TNKS: variants seen among roughly 807,000 people sequenced by gnomAD.
The protein encoded by TNKS is tankyrase.
A neutral mutation model predicts 135.8 loss-of-function variants in TNKS; 72 were observed. The ratio of observed to expected loss-of-function variants is 0.53; its 90% CI spans 0.44 to 0.64. The LOEUF is 0.64. Ranked by LOEUF, TNKS falls within the 30% of genes least tolerant of loss-of-function variation. The pLI, the probability that TNKS is intolerant of heterozygous loss-of-function variation, is 0.00. For missense variants in TNKS, 1,769 were observed against 1,674.0 expected, an observed-to-expected ratio of 1.06 and a Z score of -0.99; for synonymous variants, 849 against 649.3, an observed-to-expected ratio of 1.31 and a Z score of -4.68.
chr8:9,634,464 T>A (rs1292087562), intron 3 of TNKS, among the ~76,000 whole-genome samples: 1 of 152,164 alleles, frequency 6.6e-6, no homozygotes, highest in East Asian at 1.9e-4. Flanking sequence ...AAACCAACTT[T>A]GACTTCTTAT....
chr8:9,717,212 C>A (rs1402176706), intron 11 of TNKS, among the ~76,000 whole-genome samples: 1 of 150,034 alleles, frequency 6.7e-6, no homozygotes, highest in African/African-American at 2.5e-5. Context: ...GTAGTGAGTT[C>A]ACAACACATT....
intron 1 of TNKS, chr8:9,575,151 A>C (rs1482685802): frequency 1.2e-6 from 1 of 826,708 alleles, no homozygotes; most frequent in South Asian, 5.5e-5. Context: ...TAGGGGCGCG[A>C]TCTCGGCTCA....
chr8:9,740,396 C>G (rs1215509090), intron 17 of TNKS, among the ~76,000 whole-genome samples: 1 of 152,186 alleles, frequency 6.6e-6, no homozygotes, highest in African/African-American at 2.4e-5. Context: ...ACCAAACCAA[C>G]CCAACCACCT....
intron 11 of TNKS, 91 bp from the exon 12 acceptor site, chr8:9,720,283 G>GT: frequency 1.1e-6 from 1 of 872,578 alleles, no homozygotes; most frequent in East Asian, 3.1e-5. Context: ...TTTGAAAGTT[G>GT]ATTTTTTTTT....
intron 2 of TNKS, among the ~76,000 whole-genome samples, chr8:9,601,625 G>A (rs189735064): frequency 1.1e-4 from 16 of 152,096 alleles, no homozygotes; most frequent in African/African-American, 3.6e-4. Context: ...TTGCCTTTGC[G>A]TTCAATGGAA....
At chr8:9,752,675 T>G in intron 20 of TNKS, 49 bp downstream of exon 20, 1 of 1,293,524 alleles carries the variant, frequency 7.7e-7, no homozygotes, top group Middle Eastern at 1.9e-4. Context: ...ATACTAAGAT[T>G]AGGCTGGATG....
At chr8:9,759,112 C>T (rs1300728604) in intron 20 of TNKS, among the ~76,000 whole-genome samples, 2 of 152,168 alleles carry the variant, frequency 1.3e-5, no homozygotes, top group African/African-American at 4.8e-5. Flanking sequence ...CACTTCTCAT[C>T]ACCATTGCTG....
Position 9,734,930 on chromosome 8 carries a change from A to G in TNKS, c.2379A>G (p.Gly793=). 1 of 1,614,170 alleles carries G rather than the reference A, an allele frequency of 6.2e-7. No individual in the cohort carries two copies. Among genetic ancestry groups the G allele is most frequent in the Non-Finnish European group, 8.5e-7 (1 of 1,180,026 alleles). Residue 793 remains glycine (G), a synonymous_variant, in exon 16 of 27, where the codon GGA becomes GGG. Transcript: ENST00000310430. ...CACCTTTGGATTTGGTAAAGGAAGGAGACACAGATATTCAGGACTTACTGA... is the reference window on the plus strand; with the variant it reads ...CACCTTTGGATTTGGTAAAGGAAGGGGACACAGATATTCAGGACTTACTGA... The part of the protein sequence containing the change: ...GNTPLDLVKE[G]DTDIQDLLRG...
At chr8:9,646,756 C>CAT (rs1033167188) in intron 3 of TNKS, among the ~76,000 whole-genome samples, 5 of 152,090 alleles carry the variant, frequency 3.3e-5, no homozygotes, top group African/African-American at 1.2e-4. Context: ...TTTTCCAAGT[C>CAT]AGTTTAGTCC....
intron 3 of TNKS, among the ~76,000 whole-genome samples, chr8:9,624,540 C>T (rs1402901691): frequency 2.0e-5 from 3 of 152,190 alleles, no homozygotes; most frequent in Non-Finnish European, 4.4e-5. Flanking sequence ...TGTAGTGTAA[C>T]ATCACAGCCA....
chr8:9,776,414 G>A (rs1208456183), intron 26 of TNKS, among the ~76,000 whole-genome samples: 1 of 152,192 alleles, frequency 6.6e-6, no homozygotes, highest in Admixed American at 6.5e-5. Context: ...GATGAATGGA[G>A]CTTAATTGAC....
chr8:9,671,235 A>G (rs1802257167), intron 3 of TNKS: 3 of 152,112 alleles, frequency 2.0e-5, no homozygotes, highest in African/African-American at 7.2e-5. Flanking sequence ...TAACCCAGCA[A>G]CCCCACTGCT....
intron 2 of TNKS, among the ~76,000 whole-genome samples, chr8:9,596,449 C>G (rs1237069782): frequency 6.6e-6 from 1 of 152,114 alleles, no homozygotes; most frequent in African/African-American, 2.4e-5. Context: ...TACATTTGTA[C>G]TTTACTTTTA....
chr8:9,628,264 C>G (rs1264229311), intron 3 of TNKS, among the ~76,000 whole-genome samples: 1 of 152,160 alleles, frequency 6.6e-6, no homozygotes, highest in African/African-American at 2.4e-5. Context: ...CCCATGGTTG[C>G]TCACTACTTT....
At chr8:9,654,665 A>G (rs1343663923) in intron 3 of TNKS, among the ~76,000 whole-genome samples, 2 of 152,244 alleles carry the variant, frequency 1.3e-5, no homozygotes, top group Non-Finnish European at 2.9e-5. Context: ...GTACCTCTAG[A>G]TGATAGATTT....
chr8:9,763,804 A>G (rs988714591), intron 22 of TNKS, among the ~76,000 whole-genome samples: 2 of 152,152 alleles, frequency 1.3e-5, no homozygotes, highest in African/African-American at 2.4e-5. Flanking sequence ...GCTTATGCAT[A>G]AACAAACAGC....
chr8:9,639,333 A>G (rs1389656830), intron 3 of TNKS, among the ~76,000 whole-genome samples: 2 of 152,126 alleles, frequency 1.3e-5, no homozygotes, highest in Non-Finnish European at 2.9e-5. Flanking sequence ...ACATAAGGAG[A>G]GTAGCTTATG....
chr8:9,651,121 G>T lies in TNKS; in HGVS notation c.995-28830G>T, dbSNP rs1801133155. ...TGTTTGCTTTGTTGAAGATCAGTTG[G>T]CTGTGAGTACTTGGGTTTCTTTCTG... On this transcript the variant is annotated intron_variant, in intron 3 of 26. Transcript: ENST00000310430. Among the ~76,000 whole-genome samples, 3 of 152,090 alleles carry T rather than the reference G, an allele frequency of 2.0e-5. No homozygotes were observed. In the South Asian group the frequency reaches 6.2e-4, roughly 31 times the overall value.
chr8:9,621,525 C>G (rs964743272), intron 3 of TNKS, among the ~76,000 whole-genome samples: 3 of 152,074 alleles, frequency 2.0e-5, no homozygotes, highest in Non-Finnish European at 4.4e-5. Context: ...AGGCTAGTCT[C>G]GAACTCCTGA....
Sources: gnomAD v4.1 joint callset for allele counts (sites outside exome capture counted in the v4.1 genomes callset) on GRCh38, gnomAD v4.1.1 for gene constraint, MANE v1.5 for transcripts, NCBI Gene and HGNC (gene_info 2026-07-23, HGNC 2026-07-21) for gene names.